The following FAM171A1 variants were observed in gnomAD, a reference collection of about 807,000 sequenced individuals.
FAM171A1 encodes the protein family with sequence similarity 171 member A1, also known as protein FAM171A1.
In FAM171A1, 23 loss-of-function variants were observed where a neutral mutation model predicts 74.9. The observed-to-expected ratio is 0.31, with a 90% CI of 0.22 to 0.44. The LOEUF (loss-of-function observed/expected upper bound fraction) is 0.44. Among genes scored for constraint, FAM171A1 ranks in the 20% least tolerant of loss-of-function variants. FAM171A1 has a pLI of 1.00. For missense variants in FAM171A1, 1,162 were observed against 1,159.2 expected, an observed-to-expected ratio of 1.00 and a Z score of -0.03; for synonymous variants, 527 against 505.7, an observed-to-expected ratio of 1.04 and a Z score of -0.57.
chr10:15,288,468 C>G (rs1360253399), intron 1 of FAM171A1, among the ~76,000 whole-genome samples: 1 of 152,086 alleles, frequency 6.6e-6, no homozygotes, highest in Non-Finnish European at 1.5e-5. Context: ...TAAATTATAA[C>G]ATAAATTAAC....
rs1346766690 is a variant in FAM171A1 at position 15,229,540 on chromosome 10, CCAT to C, written c.755-8483_755-8481del. On this transcript the variant is annotated intron_variant, in intron 5 of 7. Transcript: ENST00000378116. Reference sequence around the variant, plus strand: ...ATTGTCACCCCCCTCACCATCATCACCATCATCACCATTGTCACCCCCATCACC... The same window carrying C: ...ATTGTCACCCCCCTCACCATCATCACCATCACCATTGTCACCCCCATCACC... Among the ~76,000 whole-genome samples, 29 of 144,666 alleles carry C rather than the reference CCAT, an allele frequency of 2.0e-4. 1 individual carries two copies. Among genetic ancestry groups the C allele is most frequent in the South Asian group, 4.5e-4 (2 of 4,398 alleles). The allele number at this position is 144,666 out of a possible 152,430, so 94.9% of individuals were successfully genotyped here.
At chr10:15,345,837 C>G (rs989326958) in intron 1 of FAM171A1, among the ~76,000 whole-genome samples, 1 of 152,126 alleles carries the variant, frequency 6.6e-6, no homozygotes, top group South Asian at 2.1e-4. Flanking sequence ...TAAGGAAAGC[C>G]TAGAGAGGCC....
intron 5 of FAM171A1, among the ~76,000 whole-genome samples, chr10:15,229,996 A>T (rs1293803566): frequency 6.8e-6 from 1 of 147,070 alleles, no homozygotes; most frequent in Admixed American, 6.8e-5. Context: ...TTTCTCTAGA[A>T]AACAGATGAC....
intron 1 of FAM171A1, among the ~76,000 whole-genome samples, chr10:15,346,598 G>A (rs916821711): frequency 7.2e-5 from 11 of 152,108 alleles, no homozygotes; most frequent in African/African-American, 2.4e-4. Flanking sequence ...GAAACAAGCC[G>A]AGGTCCATCT....
chr10:15,245,692 A>G (rs957647723), intron 5 of FAM171A1, among the ~76,000 whole-genome samples: 1 of 151,952 alleles, frequency 6.6e-6, no homozygotes. Context: ...TGCCCCCCAG[A>G]CTCCCTGCTC....
At chr10:15,311,179 C>A (rs1015189205) in intron 1 of FAM171A1, among the ~76,000 whole-genome samples, 1 of 152,218 alleles carries the variant, frequency 6.6e-6, no homozygotes, top group Non-Finnish European at 1.5e-5. Context: ...AAAGAAAAAA[C>A]AGGCCACTTA....
intron 5 of FAM171A1, among the ~76,000 whole-genome samples, chr10:15,233,902 C>CAAAAAAAAA (rs1834243710): frequency 4.7e-5 from 5 of 105,390 alleles, no homozygotes; most frequent in African/African-American, 2.2e-4. Context: ...CTCCGTCTCA[C>CAAAAAAAAA]CAAAAAAAAA....
chr10:15,296,482 C>T (rs201838299), intron 1 of FAM171A1, among the ~76,000 whole-genome samples: 4 of 152,140 alleles, frequency 2.6e-5, no homozygotes, highest in African/African-American at 9.7e-5. Context: ...TTTGGCAATC[C>T]TTGTGTGTGT....
At chr10:15,247,416 T>C (rs888727347) in intron 5 of FAM171A1, among the ~76,000 whole-genome samples, 7 of 151,896 alleles carry the variant, frequency 4.6e-5, no homozygotes, top group African/African-American at 1.7e-4. Flanking sequence ...GGATTTCAGG[T>C]GTGAGCCACT....
chr10:15,233,187 C>CAGGA (rs1228160508), intron 5 of FAM171A1, among the ~76,000 whole-genome samples: 2 of 151,818 alleles, frequency 1.3e-5, no homozygotes, highest in Non-Finnish European at 2.9e-5. Context: ...CCCAGCTACT[C>CAGGA]AGGAGGCTGA....
intron 1 of FAM171A1, among the ~76,000 whole-genome samples, chr10:15,305,361 G>A (rs576640422): frequency 1.1e-4 from 16 of 152,200 alleles, no homozygotes; most frequent in African/African-American, 3.1e-4. Flanking sequence ...TCACCTTCCC[G>A]ACTCTATAAT....
At chr10:15,234,490 C>A (rs573788430) in intron 5 of FAM171A1, among the ~76,000 whole-genome samples, 1 of 152,222 alleles carries the variant, frequency 6.6e-6, no homozygotes, top group East Asian at 1.9e-4. Context: ...CAGCAAGAGG[C>A]TCGGGAACAT....
At chr10:15,260,518 A>G (rs1588517621) in intron 3 of FAM171A1, among the ~76,000 whole-genome samples, 2 of 152,172 alleles carry the variant, frequency 1.3e-5, no homozygotes, top group Non-Finnish European at 2.9e-5. Flanking sequence ...GGTGTCCAAC[A>G]GTGTCTCCTG....
chr10:15,230,036 G>C (rs546384295), intron 5 of FAM171A1, among the ~76,000 whole-genome samples: 3 of 151,624 alleles, frequency 2.0e-5, no homozygotes, highest in African/African-American at 4.8e-5. Flanking sequence ...TCTGCATTAA[G>C]CAATAATCTC....
In FAM171A1 at chr10:15,311,397, T is replaced by C. The variant is rs184764366; in HGVS notation, c.98-27292A>G. ...AGCCTATATTCCCTTTTAGTTATTT[T>C]TGACCCACTTGCTGCAAAAATAGGG... On this transcript the variant is annotated intron_variant, in intron 1 of 7. Coordinates refer to ENST00000378116, the MANE Select transcript of FAM171A1 (RefSeq NM_001010924.2). 2.6e-5 allele frequency among the ~76,000 whole-genome samples: 4 copies of C among 152,328 alleles called. No individual in the cohort carries two copies. In the East Asian group the frequency reaches 7.7e-4, roughly 29 times the overall value.
chr10:15,245,676 C>T (rs1834423435), intron 5 of FAM171A1, among the ~76,000 whole-genome samples: 1 of 152,240 alleles, frequency 6.6e-6, no homozygotes. Flanking sequence ...GCATTCCACA[C>T]CACTGTGCCC....
intron 1 of FAM171A1, among the ~76,000 whole-genome samples, chr10:15,342,592 A>G (rs927181159): frequency 6.6e-6 from 1 of 152,068 alleles, no homozygotes; most frequent in Non-Finnish European, 1.5e-5. Flanking sequence ...TCTCAAAAAA[A>G]CACATAACGG....
chr10:15,353,305 T>C (rs1281461595), intron 1 of FAM171A1, among the ~76,000 whole-genome samples: 1 of 152,188 alleles, frequency 6.6e-6, no homozygotes, highest in Non-Finnish European at 1.5e-5. Context: ...ACGCCGCCCT[T>C]TGGAAGCAGA....
At chr10:15,266,296 G>T (rs1834739651) in intron 3 of FAM171A1, among the ~76,000 whole-genome samples, 1 of 152,134 alleles carries the variant, frequency 6.6e-6, no homozygotes, top group Non-Finnish European at 1.5e-5. Flanking sequence ...CCACACTATG[G>T]ACTGGTTACC....
Sources: gnomAD v4.1 joint callset for allele counts (sites outside exome capture counted in the v4.1 genomes callset) on GRCh38, gnomAD v4.1.1 for gene constraint, MANE v1.5 for transcripts, NCBI Gene and HGNC (gene_info 2026-07-23, HGNC 2026-07-21) for gene names.